UGT1A9: variants seen among roughly 807,000 people sequenced by gnomAD.
UGT1A9 encodes UDP glucuronosyltransferase family 1 member A9, also known as UDP-glucuronosyltransferase 1A9.
Under a neutral mutation model 45.0 loss-of-function variants are expected in UGT1A9, and 35 were observed. That is an observed-to-expected ratio of 0.78 (90% CI 0.59 to 1.03). The LOEUF (loss-of-function observed/expected upper bound fraction) is 1.03. UGT1A9 is among the 50% of genes least tolerant of loss of function. UGT1A9 has a pLI of 0.00. For missense variants in UGT1A9, 687 were observed against 666.6 expected (o/e 1.03, Z -0.34); for synonymous variants, 278 against 250.6 (o/e 1.11, Z -1.03).
intron 1 of UGT1A9, chr2:233,719,580 G>T (rs369777528): frequency 6.2e-7 from 1 of 1,613,916 alleles, no homozygotes; most frequent in South Asian, 1.1e-5. Flanking sequence ...CTATGCATCC[G>T]TGTGGCTGTT....
intron 1 of UGT1A9, among the ~76,000 whole-genome samples, chr2:233,718,526 C>T (rs942579588): frequency 5.3e-5 from 8 of 152,144 alleles, no homozygotes; most frequent in Non-Finnish European, 1.2e-4. Flanking sequence ...GTGTCCACAG[C>T]CTTGTGTTGG....
intron 4 of UGT1A9, among the ~76,000 whole-genome samples, chr2:233,768,657 G>A (rs1265555530): frequency 7.1e-6 from 1 of 141,016 alleles, no homozygotes; most frequent in East Asian, 2.1e-4. Context: ...TGCAATCTTG[G>A]CTTACTGCAA....
chr2:233,719,094 G>T, intron 1 of UGT1A9: 7 of 1,614,206 alleles, frequency 4.3e-6, no homozygotes, highest in Non-Finnish European at 5.9e-6. Context: ...ATTTGATCGC[G>T]TTACGCTGGG....
intron 1 of UGT1A9, among the ~76,000 whole-genome samples, chr2:233,707,756 ATG>A (rs1340445888): frequency 2.0e-5 from 3 of 152,182 alleles, no homozygotes; most frequent in African/African-American, 4.8e-5. Context: ...TCTGAAACAC[ATG>A]TGAGTGGGTT....
intron 1 of UGT1A9, among the ~76,000 whole-genome samples, chr2:233,744,706 AC>A (rs1231946729): frequency 1.3e-5 from 2 of 151,886 alleles, no homozygotes; most frequent in Non-Finnish European, 2.9e-5. Context: ...TCCACTGTAC[AC>A]TTGTGAGAGA....
intron 1 of UGT1A9, among the ~76,000 whole-genome samples, chr2:233,732,279 A>C (rs2078256222): frequency 6.6e-6 from 1 of 152,052 alleles, no homozygotes; most frequent in East Asian, 1.9e-4. Context: ...TGCTGTGGAG[A>C]AGCTCTTTAG....
At chr2:233,696,603 G>A (rs1255929079) in intron 1 of UGT1A9, among the ~76,000 whole-genome samples, 1 of 135,292 alleles carries the variant, frequency 7.4e-6, no homozygotes, top group Non-Finnish European at 1.6e-5. Context: ...CAACTTGGAT[G>A]CCCTTTCTTT....
chr2:233,755,003 C>T (rs10929301), intron 1 of UGT1A9: 15 of 1,287,722 alleles, frequency 1.2e-5, no homozygotes, highest in Non-Finnish European at 1.6e-5. Flanking sequence ...AGCTGAAGAC[C>T]TACTCGAAGG....
At chr2:233,755,368 G>A in intron 1 of UGT1A9, 1 of 361,208 alleles carries the variant, frequency 2.8e-6, no homozygotes, top group Non-Finnish European at 5.3e-6. Flanking sequence ...GGGCCGCCTG[G>A]AGGGCCGCCC....
rs147479386 is a variant in UGT1A9 at position 233,767,984 on chromosome 2, G to A, written c.1075+48G>A. The A allele has an allele frequency of 9.4e-4, 1,519 of 1,614,138 alleles. 17 individuals carry two copies. The African/African-American group carries it at 0.018, about 19-fold the overall frequency. On this transcript the variant is annotated intron_variant, in intron 3 of 4. Transcript: ENST00000354728. ...ATAGGTCAAACCAGGGTCAAATTAAGAAAATGGCTTAAGCACAGCTATTCT... is the reference window on the plus strand; with the variant it reads ...ATAGGTCAAACCAGGGTCAAATTAAAAAAATGGCTTAAGCACAGCTATTCT...
chr2:233,713,998 T>A, intron 1 of UGT1A9: 1 of 1,554,968 alleles, frequency 6.4e-7, no homozygotes, highest in Admixed American at 1.9e-5. Flanking sequence ...TAGTCTTCAG[T>A]GAGATAAACT....
intron 1 of UGT1A9, among the ~76,000 whole-genome samples, chr2:233,717,303 C>T (rs1470939533): frequency 6.6e-6 from 1 of 152,168 alleles, no homozygotes; most frequent in East Asian, 1.9e-4. Context: ...AGCTGAGAAT[C>T]CCTTTCTAGC....
chr2:233,698,504 T>C (rs2125575821), intron 1 of UGT1A9, among the ~76,000 whole-genome samples: 2 of 152,244 alleles, frequency 1.3e-5, no homozygotes, highest in East Asian at 1.9e-4. Flanking sequence ...ATTAGGCAAA[T>C]CACATAATCG....
intron 1 of UGT1A9, among the ~76,000 whole-genome samples, chr2:233,712,404 C>G (rs2076232549): frequency 6.6e-6 from 1 of 152,176 alleles, no homozygotes; most frequent in Admixed American, 6.5e-5. Flanking sequence ...AGAGAGTCCT[C>G]TTTGAGCTTT....
intron 1 of UGT1A9, among the ~76,000 whole-genome samples, chr2:233,688,514 G>A (rs779302149): frequency 7.2e-5 from 11 of 152,032 alleles, no homozygotes; most frequent in Non-Finnish European, 1.0e-4. Flanking sequence ...GCAGTGAAAT[G>A]CGCCTAGAGT....
At chr2:233,672,858 G>T in intron 1 of UGT1A9, 69 bp downstream of exon 1, 1 of 1,530,776 alleles carries the variant, frequency 6.5e-7, no homozygotes, top group South Asian at 1.3e-5. Context: ...ATTCTTTACT[G>T]AACTGTGATT....
intron 1 of UGT1A9, among the ~76,000 whole-genome samples, chr2:233,676,768 G>T (rs542086900): frequency 6.6e-6 from 1 of 152,158 alleles, no homozygotes; most frequent in Non-Finnish European, 1.5e-5. Context: ...TAGACTTTTG[G>T]TAGGAAGACA....
chr2:233,744,011 C>G, intron 1 of UGT1A9: 1 of 1,116,884 alleles, frequency 9.0e-7, no homozygotes, highest in South Asian at 1.5e-5. Flanking sequence ...AGACCTGGGC[C>G]GCCTGGAGAG....
chr2:233,735,275 T>G (rs968370538), intron 1 of UGT1A9, among the ~76,000 whole-genome samples: 2 of 152,218 alleles, frequency 1.3e-5, no homozygotes, highest in Non-Finnish European at 2.9e-5. Context: ...GTAATGGCCT[T>G]CTTTGTCTCT....
Sources: gnomAD v4.1 joint callset for allele counts (sites outside exome capture counted in the v4.1 genomes callset) on GRCh38, gnomAD v4.1.1 for gene constraint, MANE v1.5 for transcripts, NCBI Gene and HGNC (gene_info 2026-07-23, HGNC 2026-07-21) for gene names.